Variants in SUSD5 observed in about 807,000 individuals in gnomAD.
SUSD5 encodes sushi domain containing 5.
In SUSD5, 33 loss-of-function variants were observed where a neutral mutation model predicts 29.5. The ratio of observed to expected loss-of-function variants is 1.12; its 90% CI spans 0.85 to 1.49. SUSD5 has a LOEUF of 1.49. SUSD5 is among the 40% of genes most tolerant of loss of function. The pLI is 0.00. For missense variants in SUSD5, 776 were observed against 800.6 expected, an observed-to-expected ratio of 0.97 and a Z score of 0.37; for synonymous variants, 308 against 325.3, an observed-to-expected ratio of 0.95 and a Z score of 0.57.
chr3:33,152,628 A>T lies in SUSD5; in HGVS notation c.*114T>A. On this transcript the variant is annotated 3_prime_UTR_variant, in exon 5 of 5. Transcript: ENST00000309558. ...TCTCAGCCTATAAAACAAAGGGCTG[A>T]GGAAAAAATGATGAGCCTCAGTCCA... 1 of 1,201,562 alleles carries T rather than the reference A, an allele frequency of 8.3e-7. No homozygotes were observed. The highest frequency in any genetic ancestry group is 1.1e-6 in the Non-Finnish European group (1 of 871,256). The allele number at this position is 1,201,562 out of a possible 1,614,324, so 74.4% of individuals were successfully genotyped here.
rs917978245 is a variant in SUSD5, at chr3:33,153,210, C to G, written c.1422G>C (p.Trp474Cys). The G allele has an allele frequency of 5.0e-6, 8 of 1,613,594 alleles. No individual in the cohort carries two copies. Among genetic ancestry groups the G allele is most frequent in the Non-Finnish European group, 6.8e-6 (8 of 1,179,852 alleles). The change falls in exon 5 of 5, where the codon TGG becomes TGC. Residue 474 changes from tryptophan (W) to cysteine (C), a missense_variant. By Grantham distance (215) the Trp-to-Cys change is radical. Coordinates refer to ENST00000309558, the MANE Select transcript of SUSD5 (RefSeq NM_015551.2). ...TGGGAGATTCCTCTGTGATGAATCT[C>G]CAGGGTAGAGTTGACTGGTACTTCG... ...DLTKYQSTLP[W>C]RFITEESPMA...
At chr3:33,215,997 G>A (rs1225522090) in intron 1 of SUSD5, among the ~76,000 whole-genome samples, 1 of 152,080 alleles carries the variant, frequency 6.6e-6, no homozygotes, top group Non-Finnish European at 1.5e-5. Context: ...TACAGATAGA[G>A]CAGAAATCAG....
chr3:33,206,243 G>A (rs983629415), intron 3 of SUSD5, among the ~76,000 whole-genome samples: 31 of 151,988 alleles, frequency 2.0e-4, no homozygotes, highest in African/African-American at 7.5e-4. Flanking sequence ...GCATGGTGGC[G>A]GGCGCCTGTA....
At chr3:33,177,460 A>T (rs2031576080) in intron 3 of SUSD5, among the ~76,000 whole-genome samples, 1 of 152,176 alleles carries the variant, frequency 6.6e-6, no homozygotes, top group South Asian at 2.1e-4. Flanking sequence ...ATACCTAAGA[A>T]TTTCATTTTT....
At position 33,204,755 on chromosome 3, in the gene SUSD5, CT is replaced by C. The variant is rs75497580; in HGVS notation, c.409+3052del. ...CTCTACCTCCCAGGTTAAAGCGATT[CT>C]CATGCCTCAGCCTCCTGAGTGGCTA... On this transcript the variant is annotated intron_variant, in intron 3 of 4. Coordinates refer to ENST00000309558, the MANE Select transcript of SUSD5 (RefSeq NM_015551.2). The surrounding 1 kb of genome is among the most constrained non-coding windows in gnomAD (Gnocchi z 4.5). Among the ~76,000 whole-genome samples, 32,519 of 151,952 alleles carry C rather than the reference CT, an allele frequency of 0.21. 4,200 individuals are homozygous for C. Among genetic ancestry groups the C allele is most frequent in the East Asian group, 0.44 (2,265 of 5,160 alleles).
rs891746850 is a variant in SUSD5 at position 33,218,742 on chromosome 3, A to C, written c.56T>G (p.Leu19Arg). The C allele has an allele frequency of 2.2e-6, 3 of 1,371,278 alleles. No individual in the cohort carries two copies. The highest frequency in any genetic ancestry group is 2.8e-6 in the Non-Finnish European group (3 of 1,068,106). 84.9% of individuals were successfully genotyped at this position (1,371,278 alleles called of 1,614,324 possible). A position where few individuals can be genotyped will look rare whatever the true frequency, so the allele number is the denominator to read the frequency against. The change falls in exon 1 of 5, where the codon CTC (leucine) becomes CGC (arginine). Residue 19 changes from leucine (L) to arginine (R), a missense_variant. By Grantham distance (102) the Leu-to-Arg change is moderately radical. Transcript: ENST00000309558. ...GAGCAGGAGCAGCGCCGCCGCCCAG[A>C]GCCCGGGGAGGCGTCTGTGCCAACG... is the stretch of plus-strand genomic sequence containing the variant. ...PARWHRRLPG[L>R]WAAALLLLGL... is the part of the protein sequence containing the mutation.
chr3:33,191,578 T>C (rs904605551), intron 3 of SUSD5, among the ~76,000 whole-genome samples: 1 of 152,008 alleles, frequency 6.6e-6, no homozygotes, highest in African/African-American at 2.4e-5. Flanking sequence ...GTGGAACCGA[T>C]GGATGAAAGG....
intron 3 of SUSD5, among the ~76,000 whole-genome samples, chr3:33,180,979 C>T (rs2031658662): frequency 6.7e-6 from 1 of 148,262 alleles, no homozygotes; most frequent in African/African-American, 2.5e-5. Flanking sequence ...GCCAGCACAC[C>T]CAGCAAATAA....
rs149594546 is a variant in SUSD5 at position 33,203,225 on chromosome 3, G to A, written c.409+4583C>T. On this transcript the variant is annotated intron_variant, in intron 3 of 4. Transcript: ENST00000309558. ...CTGAGAAGGGCGGAGGGCCTTGCAG[G>A]AGCCATTTACATGCTCTTTCTAAAG... Among the ~76,000 whole-genome samples the A allele has an allele frequency of 5.0e-3, 760 of 152,328 alleles. 9 individuals carry two copies. Among genetic ancestry groups the A allele is most frequent in the African/African-American group, 0.017 (702 of 41,578 alleles).
At chr3:33,197,114 GC>G in intron 3 of SUSD5, among the ~76,000 whole-genome samples, 1 of 152,262 alleles carries the variant, frequency 6.6e-6, no homozygotes, top group African/African-American at 2.4e-5. Flanking sequence ...TAGAGCTGCA[GC>G]CTCAGGGTCA....
chr3:33,163,451 A>G (rs1480257122), intron 4 of SUSD5, among the ~76,000 whole-genome samples: 1 of 152,188 alleles, frequency 6.6e-6, no homozygotes, highest in Non-Finnish European at 1.5e-5. Context: ...TTTGAAAAAA[A>G]GGAGTTTTAG....
intron 3 of SUSD5, among the ~76,000 whole-genome samples, chr3:33,177,286 G>T (rs1246673375): frequency 6.6e-6 from 1 of 152,164 alleles, no homozygotes; most frequent in African/African-American, 2.4e-5. Context: ...TTTTTATTGG[G>T]ATGTGTTCAA....
rs923586047 is a variant in SUSD5 at position 33,218,694 on chromosome 3, C to T, written c.104G>A (p.Arg35Gln). 3.1e-6 allele frequency: 4 copies of T among 1,310,636 alleles called. No individual in the cohort carries two copies. The highest frequency in any genetic ancestry group is 2.1e-5 in the South Asian group (1 of 48,098). 81.2% of individuals were successfully genotyped at this position (1,310,636 alleles called of 1,614,324 possible). A position where few individuals can be genotyped will look rare whatever the true frequency, so the allele number is the denominator to read the frequency against. Residue 35 changes from arginine to glutamine, a missense_variant, in exon 1 of 5, where the codon CGG (arginine) becomes CAG (glutamine). Arg to Gln is a conservative substitution (Grantham distance 43, BLOSUM62 1). Coordinates refer to ENST00000309558, the MANE Select transcript of SUSD5 (RefSeq NM_015551.2). ...GCCTCCCGCACACTCACCATCCGCC[C>T]GCACCGAAAGGCGCGGCAGACCGAG... ...LLLGLPRLSVRADGKFFVLES... is the reference protein window; with the variant it reads ...LLLGLPRLSVQADGKFFVLES...
chr3:33,152,814 A>C lies in SUSD5; in HGVS notation c.1818T>G (p.Ser606=). ...GCTGGCCAACATTCAGCTTGTACAC[A>C]GAGCTCTTGTGCTGGCACTTGCGGT... The part of the protein sequence containing the change: ...WGYRKCQHKS[S]VYKLNVGQRQ... The change falls in exon 5 of 5, where the codon TCT becomes TCG. Residue 606 remains serine (S), a synonymous_variant. Transcript: ENST00000309558. The C allele has an allele frequency of 6.2e-7, 1 of 1,613,962 alleles. No individual in the cohort carries two copies. The highest frequency in any genetic ancestry group is 8.5e-7 in the Non-Finnish European group (1 of 1,179,880).
At chr3:33,175,862 T>TA (rs934440544) in intron 3 of SUSD5, among the ~76,000 whole-genome samples, 2 of 152,144 alleles carry the variant, frequency 1.3e-5, no homozygotes, top group African/African-American at 4.8e-5. Flanking sequence ...CCAAAGTCCA[T>TA]AACTTACCTC....
intron 1 of SUSD5, among the ~76,000 whole-genome samples, chr3:33,216,159 A>T (rs1316216715): frequency 1.3e-5 from 2 of 152,206 alleles, no homozygotes; most frequent in Non-Finnish European, 2.9e-5. Flanking sequence ...AGGGAACATC[A>T]CTACAGATCC....
Position 33,204,227 on chromosome 3 carries a change from G to A in SUSD5, c.409+3581C>T, listed in dbSNP as rs6797294. 0.29 allele frequency among the ~76,000 whole-genome samples: 44,330 copies of A among 151,986 alleles called. 7,122 individuals are homozygous for A. The highest frequency in any genetic ancestry group is 0.36 in the Non-Finnish European group (24,589 of 67,982). The stretch of plus-strand genomic sequence containing the variant: ...TATATGTATCTTGCTATGTTGCCCA[G>A]GCTGGTCTCAAACTTCTGGGCTCAA... On this transcript the variant is annotated intron_variant, in intron 3 of 4. Coordinates refer to ENST00000309558, the MANE Select transcript of SUSD5 (RefSeq NM_015551.2). This position sits in a 1 kb window ranked among gnomAD's most constrained non-coding sequence, Gnocchi z 4.5.
At chr3:33,177,378 G>C (rs915199313) in intron 3 of SUSD5, among the ~76,000 whole-genome samples, 10 of 152,238 alleles carry the variant, frequency 6.6e-5, no homozygotes, top group Admixed American at 1.3e-4. Context: ...GTTCTTCTTT[G>C]ATATATTTCA....
Position 33,213,966 on chromosome 3 carries a change from C to T in SUSD5, c.252G>A (p.Ala84=), listed in dbSNP as rs532027934. 261 of 1,611,824 alleles carry T rather than the reference C, an allele frequency of 1.6e-4. 1 individual carries two copies. In the East Asian group the frequency reaches 2.6e-3, roughly 16 times the overall value. ...CTGCTAGCCAGCCAGTGGTGCACACCGCAAAGGAGCAATCCTGTACCACTC... is the reference window on the plus strand; with the variant it reads ...CTGCTAGCCAGCCAGTGGTGCACACTGCAAAGGAGCAATCCTGTACCACTC... ...LRRVVQDCSF[A]VCTTGWLADG... is the part of the protein sequence containing the mutation. Residue 84 remains alanine (A), a synonymous_variant, in exon 2 of 5, where the codon GCG becomes GCA. Transcript: ENST00000309558.
Sources: allele counts gnomAD v4.1 joint callset (sites outside exome capture counted in the v4.1 genomes callset), GRCh38; gene constraint gnomAD v4.1.1; non-coding constraint Gnocchi (gnomAD v3.1); transcripts MANE v1.5; gene names NCBI Gene and HGNC (gene_info 2026-07-23, HGNC 2026-07-21).